The following GTPBP10 variants were observed in gnomAD, a reference collection of about 807,000 sequenced individuals.
GTPBP10 encodes GTP-binding protein 10.
GTPBP10 carries 38 observed loss-of-function variants against 44.8 expected under a neutral mutation model. The ratio of observed to expected loss-of-function variants is 0.85; its 90% CI spans 0.65 to 1.11. The LOEUF (loss-of-function observed/expected upper bound fraction) is 1.11, where lower values mean the gene tolerates loss of function less well. Among genes scored for constraint, GTPBP10 ranks in the 50% most tolerant of loss-of-function variants. The probability of loss-of-function intolerance (pLI) is 0.00; values close to 1 mark genes in which losing one functional copy is unlikely to be tolerated. For missense variants in GTPBP10, 462 were observed against 453.7 expected (o/e 1.02, Z -0.17); for synonymous variants, 152 against 150.6 (o/e 1.01, Z -0.07).
chr7:90,352,833 T>C lies in GTPBP10; in HGVS notation c.51T>C (p.Asp17=), dbSNP rs781238237. The C allele has an allele frequency of 6.3e-7, 1 of 1,586,968 alleles. No homozygotes were observed. The highest frequency in any genetic ancestry group is 8.5e-7 in the Non-Finnish European group (1 of 1,171,232). The change falls in exon 2 of 10, where the codon GAT becomes GAC. Residue 17 remains aspartate (D), a synonymous_variant. Coordinates refer to ENST00000222511, the MANE Select transcript of GTPBP10 (RefSeq NM_033107.4). ...TTTTTAAGTATGGAAATTTCATCGA[T>C]AAGCTAAGACTCTTCACCAGGGGAG... is the stretch of plus-strand genomic sequence containing the variant. The part of the protein sequence containing the change: ...VLFRKYGNFI[D]KLRLFTRGGS...
chr7:90,355,286 G>T, intron 4 of GTPBP10, 56 bp downstream of exon 4: 2 of 1,113,556 alleles, frequency 1.8e-6, no homozygotes, highest in Non-Finnish European at 2.4e-6. Flanking sequence ...TTCTTGAATA[G>T]AAAATAAATG....
chr7:90,369,165 A>G (rs1001420452), intron 4 of GTPBP10, among the ~76,000 whole-genome samples: 1 of 152,058 alleles, frequency 6.6e-6, no homozygotes, highest in African/African-American at 2.4e-5. Flanking sequence ...TTTGCTCTGG[A>G]AGCTTTGTCC....
At chr7:90,367,173 C>A (rs1023101488) in intron 4 of GTPBP10, among the ~76,000 whole-genome samples, 3 of 152,086 alleles carry the variant, frequency 2.0e-5, no homozygotes, top group Non-Finnish European at 4.4e-5. Context: ...GTTTTCTGTT[C>A]TTTTGCATTT....
intron 1 of GTPBP10, chr7:90,347,444 TG>T (rs1256016804): frequency 5.8e-6 from 1 of 171,594 alleles, no homozygotes; most frequent in African/African-American, 2.4e-5. Flanking sequence ...ACATATTTAA[TG>T]GAACTGTAGA....
At chr7:90,348,344 T>A (rs1001612639) in intron 1 of GTPBP10, among the ~76,000 whole-genome samples, 3 of 151,758 alleles carry the variant, frequency 2.0e-5, no homozygotes, top group Non-Finnish European at 4.4e-5. Flanking sequence ...AACTTTCAAC[T>A]CCCCCCACAA....
At chr7:90,366,012 T>C (rs1796127781) in intron 4 of GTPBP10, among the ~76,000 whole-genome samples, 1 of 152,234 alleles carries the variant, frequency 6.6e-6, no homozygotes, top group African/African-American at 2.4e-5. Context: ...TCTGCATCTA[T>C]TGAGATAATC....
At chr7:90,370,086 C>T (rs141622705) in intron 4 of GTPBP10, among the ~76,000 whole-genome samples, 133 of 152,096 alleles carry the variant, frequency 8.7e-4, no homozygotes, top group Non-Finnish European at 1.6e-3. Context: ...GATGGGTACA[C>T]TAAAATTCAC....
At position 90,388,354 on chromosome 7, in the gene GTPBP10, T is replaced by C. The variant is rs928536551; in HGVS notation, c.*3200T>C. ...ATGCTTTTTTGAAACACTTATTATG[T>C]TACTGAATAACCAGAGTATTAAATT... On this transcript the variant is annotated 3_prime_UTR_variant, in exon 10 of 10. Coordinates refer to ENST00000222511, the MANE Select transcript of GTPBP10 (RefSeq NM_033107.4). 2.0e-5 allele frequency: 3 copies of C among 152,204 alleles called. No homozygotes were observed. The highest frequency in any genetic ancestry group is 4.4e-5 in the Non-Finnish European group (3 of 68,020). 9.4% of individuals were successfully genotyped at this position (152,204 alleles called of 1,614,324 possible).
chr7:90,384,601 C>T (rs573781798), intron 9 of GTPBP10, among the ~76,000 whole-genome samples: 4 of 151,746 alleles, frequency 2.6e-5, no homozygotes, highest in Admixed American at 1.3e-4. Flanking sequence ...TTAACCCCCC[C>T]CACACACACA....
rs1387194883 is a variant in GTPBP10 at position 90,388,423 on chromosome 7, AG to A, written c.*3270del. 3.3e-5 allele frequency: 5 copies of A among 151,262 alleles called. No individual in the cohort carries two copies. The highest frequency in any genetic ancestry group is 1.2e-4 in the African/African-American group (5 of 40,942). The allele number at this position is 151,262 out of a possible 1,614,324, so 9.4% of individuals were successfully genotyped here. ...TACAAAGTCCCAGTAGTTCTTGCAG[AG>A]CTTTCTATAATATCAGATTTATTTA... On this transcript the variant is annotated 3_prime_UTR_variant, in exon 10 of 10. Transcript: ENST00000222511.
chr7:90,357,648 G>A (rs1416979894), intron 4 of GTPBP10, among the ~76,000 whole-genome samples: 4 of 152,080 alleles, frequency 2.6e-5, no homozygotes, highest in African/African-American at 4.8e-5. Flanking sequence ...CTGTGAAGGC[G>A]GGAATCATTT....
intron 3 of GTPBP10, 54 bp from the exon 4 acceptor site, chr7:90,355,032 T>C: frequency 8.7e-7 from 1 of 1,147,168 alleles, no homozygotes; most frequent in South Asian, 1.6e-5. Context: ...TATATTGCAT[T>C]AGTGATTTCA....
At chr7:90,377,479 T>C (rs769240098) in intron 6 of GTPBP10, 28 bp from the exon 7 acceptor site, 5 of 1,489,576 alleles carry the variant, frequency 3.4e-6, no homozygotes, top group Middle Eastern at 1.8e-4. Context: ...CATTTTCCTT[T>C]TTCATTAACC....
At chr7:90,352,598 A>T (rs1278390037) in intron 1 of GTPBP10, among the ~76,000 whole-genome samples, 1 of 152,232 alleles carries the variant, frequency 6.6e-6, no homozygotes, top group Non-Finnish European at 1.5e-5. Flanking sequence ...AATAATTGAT[A>T]ACTGAAAAAA....
intron 5 of GTPBP10, among the ~76,000 whole-genome samples, chr7:90,373,391 A>C (rs1234428627): frequency 6.6e-6 from 1 of 152,200 alleles, no homozygotes; most frequent in Non-Finnish European, 1.5e-5. Context: ...GATATAAAAG[A>C]AGCTTTGGTT....
Position 90,383,017 on chromosome 7 carries a change from T to G in GTPBP10, c.839T>G (p.Met280Arg). 6.3e-7 allele frequency: 1 copy of G among 1,598,858 alleles called. No individual in the cohort carries two copies. The highest frequency in any genetic ancestry group is 8.5e-7 in the Non-Finnish European group (1 of 1,170,028). ...CCTGCACTCTTGGCAGTTAATAAAATGGACTTGCCAGATGCCCAAGATAAG... is the reference window on the plus strand; with the variant it reads ...CCTGCACTCTTGGCAGTTAATAAAAGGGACTTGCCAGATGCCCAAGATAAG... ...TKPALLAVNK[M>R]DLPDAQDKFH... Residue 280 changes from methionine (M) to arginine (R), a missense_variant, in exon 9 of 10, where the codon ATG (methionine) becomes AGG (arginine). Coordinates refer to ENST00000222511, the MANE Select transcript of GTPBP10 (RefSeq NM_033107.4).
At chr7:90,371,410 T>C (rs577870034) in intron 4 of GTPBP10, among the ~76,000 whole-genome samples, 1 of 152,302 alleles carries the variant, frequency 6.6e-6, no homozygotes, top group South Asian at 2.1e-4. Flanking sequence ...CAAAAAAATA[T>C]GAAAACTTGA....
chr7:90,379,482 C>G (rs1796398693), intron 8 of GTPBP10, among the ~76,000 whole-genome samples: 1 of 152,160 alleles, frequency 6.6e-6, no homozygotes, highest in Admixed American at 6.6e-5. Flanking sequence ...CCTAGCAGTC[C>G]TCCTCTGTAA....
chr7:90,365,368 C>CTTTTTTTTTTTTTTTTTTTTT (rs59645149), intron 4 of GTPBP10, among the ~76,000 whole-genome samples: 5 of 90,364 alleles, frequency 5.5e-5, no homozygotes, highest in African/African-American at 1.8e-4. Context: ...TTGGGGTTTT[C>CTTTTTTTTTTTTTTTTTTTTT]TTTTTTTTTT....
Sources: allele counts gnomAD v4.1 joint callset (sites outside exome capture counted in the v4.1 genomes callset), GRCh38; gene constraint gnomAD v4.1.1; transcripts MANE v1.5; gene names NCBI Gene and HGNC (gene_info 2026-07-23, HGNC 2026-07-21).